Variants in NCAM2 observed in about 807,000 individuals in gnomAD.
NCAM2 encodes the protein N-CAM-2.
Under a neutral mutation model 98.1 loss-of-function variants are expected in NCAM2, and 30 were observed. The observed-to-expected ratio is 0.31, with a 90% CI of 0.23 to 0.41. The LOEUF (loss-of-function observed/expected upper bound fraction) is 0.41. Among genes scored for constraint, NCAM2 ranks in the 10% least tolerant of loss-of-function variants. The pLI, the probability that NCAM2 is intolerant of heterozygous loss-of-function variation, is 1.00. For missense variants in NCAM2, 867 were observed against 1,005.8 expected, an observed-to-expected ratio of 0.86 and a Z score of 1.87; for synonymous variants, 368 against 342.4, an observed-to-expected ratio of 1.07 and a Z score of -0.83.
intron 4 of NCAM2, among the ~76,000 whole-genome samples, chr21:21,288,320 A>C (rs565983733): frequency 6.6e-6 from 1 of 152,018 alleles, no homozygotes; most frequent in African/African-American, 2.4e-5. Flanking sequence ...AATAAAATAT[A>C]TGGCTATATA....
chr21:21,149,670 G>A (rs1469534793), intron 1 of NCAM2, among the ~76,000 whole-genome samples: 1 of 151,788 alleles, frequency 6.6e-6, no homozygotes, highest in Non-Finnish European at 1.5e-5. Flanking sequence ...TGTGGTGTTT[G>A]GTTTTGTTCC....
In NCAM2 at chr21:21,098,857, G is replaced by A. The variant is rs147765243; in HGVS notation, c.55+100239G>A. Among the ~76,000 whole-genome samples, 605 of 151,878 alleles carry A rather than the reference G, an allele frequency of 4.0e-3. 2 individuals are homozygous for A. The highest frequency in any genetic ancestry group is 0.014 in the African/African-American group (588 of 41,498). On this transcript the variant is annotated intron_variant, in intron 1 of 17. Transcript: ENST00000400546. ...GTTTTGTTCAGAGTCAAGGTGTCATGCAGGCCACAATTTTCAGCAAGCAAT... is the reference window on the plus strand; with the variant it reads ...GTTTTGTTCAGAGTCAAGGTGTCATACAGGCCACAATTTTCAGCAAGCAAT...
chr21:21,242,537 T>C (rs2071102955), intron 1 of NCAM2, among the ~76,000 whole-genome samples: 1 of 152,214 alleles, frequency 6.6e-6, no homozygotes, highest in South Asian at 2.1e-4. Context: ...TTCTGTTCTC[T>C]ACTTCTATGG....
At chr21:21,415,295 A>T in intron 10 of NCAM2, among the ~76,000 whole-genome samples, 1 of 130,944 alleles carries the variant, frequency 7.6e-6, no homozygotes, top group African/African-American at 2.8e-5. Flanking sequence ...TCTATTTTTT[A>T]GTGTAGTCAA....
chr21:21,027,021 C>A (rs1039806293), intron 1 of NCAM2, among the ~76,000 whole-genome samples: 2 of 151,856 alleles, frequency 1.3e-5, no homozygotes, highest in African/African-American at 4.8e-5. Flanking sequence ...TGCCACCCGA[C>A]CAATTTTTGT....
chr21:21,403,693 A>G (rs538834735), intron 9 of NCAM2, among the ~76,000 whole-genome samples: 5 of 152,220 alleles, frequency 3.3e-5, no homozygotes, highest in African/African-American at 1.2e-4. Context: ...CCATGATGGC[A>G]GTATATCATG....
intron 1 of NCAM2, among the ~76,000 whole-genome samples, chr21:21,220,060 TAA>T (rs34284134): frequency 1.5e-4 from 23 of 150,560 alleles, no homozygotes; most frequent in African/African-American, 5.4e-4. Flanking sequence ...GTCAAAAAGT[TAA>T]AAAAAAAACC....
intron 5 of NCAM2, among the ~76,000 whole-genome samples, chr21:21,316,041 T>A (rs1365986389): frequency 6.6e-6 from 1 of 152,194 alleles, no homozygotes; most frequent in Non-Finnish European, 1.5e-5. Context: ...TACTTTTTTA[T>A]TGATATTTAA....
chr21:21,028,115 G>T (rs143811273), intron 1 of NCAM2, among the ~76,000 whole-genome samples: 1 of 151,904 alleles, frequency 6.6e-6, no homozygotes, highest in Non-Finnish European at 1.5e-5. Context: ...TGCCCGCCTC[G>T]GCCTCCCAAA....
intron 5 of NCAM2, among the ~76,000 whole-genome samples, chr21:21,296,634 G>A (rs1023437321): frequency 6.6e-6 from 1 of 151,606 alleles, no homozygotes; most frequent in Non-Finnish European, 1.5e-5. Context: ...AATCCAGAGA[G>A]CAAGGGAGTT....
intron 1 of NCAM2, among the ~76,000 whole-genome samples, chr21:21,058,705 G>C (rs1352358661): frequency 6.8e-6 from 1 of 146,020 alleles, no homozygotes; most frequent in Non-Finnish European, 1.5e-5. Context: ...CTTCTACATT[G>C]ACCCATTGAG....
At chr21:21,260,259 C>T (rs188450923) in intron 1 of NCAM2, among the ~76,000 whole-genome samples, 1 of 151,682 alleles carries the variant, frequency 6.6e-6, no homozygotes, top group Admixed American at 6.6e-5. Context: ...AAGCGAGCAA[C>T]ATGGAAAACA....
At chr21:21,448,507 AAAAT>A (rs34765240) in intron 12 of NCAM2, among the ~76,000 whole-genome samples, 2,958 of 151,512 alleles carry the variant, frequency 0.02, 101 homozygotes, top group African/African-American at 0.066. Context: ...AAATTGAAGT[AAAAT>A]AAATAAATAA....
chr21:21,405,106 T>C (rs2076713181), intron 9 of NCAM2, among the ~76,000 whole-genome samples: 1 of 151,998 alleles, frequency 6.6e-6, no homozygotes, highest in Non-Finnish European at 1.5e-5. Context: ...TATATTATTA[T>C]TATACTTACT....
At chr21:21,318,477 A>G (rs1313841406) in intron 5 of NCAM2, among the ~76,000 whole-genome samples, 2 of 152,192 alleles carry the variant, frequency 1.3e-5, no homozygotes, top group East Asian at 3.9e-4. Flanking sequence ...TGTCGTAGAC[A>G]TCTAGTGATG....
chr21:21,126,236 T>TTAAA (rs1555887827), intron 1 of NCAM2, among the ~76,000 whole-genome samples: 1 of 97,568 alleles, frequency 1.0e-5, no homozygotes, highest in South Asian at 4.1e-4. Context: ...TCATGGAACA[T>TTAAA]AAAAAAAAAA....
chr21:21,264,110 A>G (rs1047467765), intron 1 of NCAM2, among the ~76,000 whole-genome samples: 2 of 152,160 alleles, frequency 1.3e-5, no homozygotes, highest in Admixed American at 6.6e-5. Context: ...CAAAGGATTG[A>G]TACCCAGAAT....
intron 1 of NCAM2, among the ~76,000 whole-genome samples, chr21:21,088,789 G>A (rs774159585): frequency 2.9e-4 from 44 of 152,032 alleles, no homozygotes; most frequent in Middle Eastern, 3.4e-3. Context: ...TCAGGAGATC[G>A]AGACCGTGTC....
chr21:21,128,354 G>GT (rs1210504339), intron 1 of NCAM2, among the ~76,000 whole-genome samples: 1 of 152,040 alleles, frequency 6.6e-6, no homozygotes. Flanking sequence ...TTGTCTAAGG[G>GT]TTGTACATGT....
Sources: gnomAD v4.1 joint callset for allele counts (sites outside exome capture counted in the v4.1 genomes callset) on GRCh38, gnomAD v4.1.1 for gene constraint, MANE v1.5 for transcripts, NCBI Gene and HGNC (gene_info 2026-07-23, HGNC 2026-07-21) for gene names.